Variants in RFTN1 observed in about 807,000 individuals in gnomAD.
RFTN1 encodes the protein raftlin, lipid raft linker 1.
A neutral mutation model predicts 46.5 loss-of-function variants in RFTN1; 26 were observed. That is an observed-to-expected ratio of 0.56 (90% CI 0.41 to 0.78). RFTN1 has a LOEUF of 0.78. Ranked by LOEUF, RFTN1 falls within the 30% of genes least tolerant of loss-of-function variation. The probability of loss-of-function intolerance (pLI) is 0.00; values close to 1 mark genes in which losing one functional copy is unlikely to be tolerated. For missense variants in RFTN1, 693 were observed against 718.7 expected, an observed-to-expected ratio of 0.96 and a Z score of 0.41; for synonymous variants, 261 against 284.2, an observed-to-expected ratio of 0.92 and a Z score of 0.82.
In RFTN1 at chr3:16,361,134, A is replaced by T. The variant is rs1559858897; in HGVS notation, c.1031-3087T>A. Among the ~76,000 whole-genome samples the T allele has an allele frequency of 6.6e-6, 1 of 152,236 alleles. No homozygotes were observed. The highest frequency in any genetic ancestry group is 1.5e-5 in the Non-Finnish European group (1 of 68,042). ...CTCTTGAAGGCCTAACTAGAATCAA[A>T]GAGTTTTTTAAAACTATGGGGAGAT... On this transcript the variant is annotated intron_variant, in intron 6 of 9. Transcript: ENST00000334133. The surrounding 1 kb of genome is among the most constrained non-coding windows in gnomAD (Gnocchi z 4.3).
In RFTN1 at chr3:16,377,917, A is replaced by ATCCCCAG; in HGVS notation, c.620_626dup (p.Val210TrpfsTer63). Reference sequence around the variant, plus strand: ...TTCTCCCAGCCGGAGCACTGCACACATCCCCAGTCCCCGGTTTCTCATTCT... The same window carrying ATCCCCAG: ...TTCTCCCAGCCGGAGCACTGCACACATCCCCAGTCCCCAGTCCCCGGTTTCTCATTCT... On this transcript the variant is annotated frameshift_variant, in exon 5 of 10. Coordinates refer to ENST00000334133, the MANE Select transcript of RFTN1 (RefSeq NM_015150.2). LOFTEE classifies it high-confidence loss of function. 2.5e-6 allele frequency: 4 copies of ATCCCCAG among 1,614,166 alleles called. No individual in the cohort carries two copies. The highest frequency in any genetic ancestry group is 3.4e-6 in the Non-Finnish European group (4 of 1,180,022).
rs775348055 is a variant in RFTN1, at chr3:16,326,816, G to T, written c.1207C>A (p.Gln403Lys). ...GGAGTTGGTAGCACACAGGTGAGCT[G>T]CCAGCCATAGGCCGCCAGCGAGTTC... ...LLNSLAAYGW[Q>K]LTCVLPTPVV... The change falls in exon 8 of 10, where the codon CAG (glutamine) becomes AAG (lysine). Residue 403 changes from glutamine to lysine, a missense_variant. Transcript: ENST00000334133. 2 of 1,614,018 alleles carry T rather than the reference G, an allele frequency of 1.2e-6. No individual in the cohort carries two copies. The highest frequency in any genetic ancestry group is 2.2e-5 in the South Asian group (2 of 91,082).
intron 2 of RFTN1, among the ~76,000 whole-genome samples, chr3:16,438,943 T>C (rs1036789632): frequency 5.9e-5 from 9 of 152,132 alleles, no homozygotes; most frequent in African/African-American, 2.2e-4. Context: ...AAAATGTTAG[T>C]CAATCAACCA....
chr3:16,378,521 C>T (rs2073871141), intron 4 of RFTN1, among the ~76,000 whole-genome samples: 2 of 152,158 alleles, frequency 1.3e-5, no homozygotes. Flanking sequence ...CATCAGGCTA[C>T]TGTATAACTA....
rs1396573344 is a variant in RFTN1, at chr3:16,468,586, G to A, written c.145+25139C>T. ...AGCCCAAATAGAGTGATGGAGTAGC[G>A]GGGAGAGGCTGACGCATTTCCTCAC... On this transcript the variant is annotated intron_variant, in intron 2 of 9. Transcript: ENST00000334133. This position sits in a 1 kb window ranked among gnomAD's most constrained non-coding sequence, Gnocchi z 4.4. 6.6e-6 allele frequency among the ~76,000 whole-genome samples: 1 copy of A among 151,308 alleles called. No homozygotes were observed. The highest frequency in any genetic ancestry group is 1.5e-5 in the Non-Finnish European group (1 of 67,930).
chr3:16,358,022 T>TC lies in RFTN1; in HGVS notation c.1055dup (p.Val353SerfsTer5), dbSNP rs1341732622. On this transcript the variant is annotated frameshift_variant, in exon 7 of 10. Transcript: ENST00000334133. LOFTEE classifies it high-confidence loss of function. ...TGGAAACAGCTTCAAAGATGAATAC[T>TC]CCATCTGTCAAGCCATGTAAGGAAT... The TC allele has an allele frequency of 6.9e-7, 1 of 1,453,824 alleles. No homozygotes were observed. Among genetic ancestry groups the TC allele is most frequent in the South Asian group, 1.1e-5 (1 of 88,492 alleles). The allele number at this position is 1,453,824 out of a possible 1,614,324, so 90.1% of individuals were successfully genotyped here.
At position 16,327,482 on chromosome 3, in the gene RFTN1, G is replaced by C. The variant is rs905197400; in HGVS notation, c.1147-606C>G. Among the ~76,000 whole-genome samples the C allele has an allele frequency of 1.3e-5, 2 of 151,918 alleles. No homozygotes were observed. Among genetic ancestry groups the C allele is most frequent in the Non-Finnish European group, 2.9e-5 (2 of 67,956 alleles). Reference sequence around the variant, plus strand: ...TCAGTTAAAAAACTCAGCCCCGGCCGGGTGCTGTGGCTCACGTCTGTAATC... The same window carrying C: ...TCAGTTAAAAAACTCAGCCCCGGCCCGGTGCTGTGGCTCACGTCTGTAATC... On this transcript the variant is annotated intron_variant, in intron 7 of 9. Transcript: ENST00000334133. The surrounding 1 kb of genome is among the most constrained non-coding windows in gnomAD (Gnocchi z 4.2).
Position 16,446,231 on chromosome 3 carries a change from C to A in RFTN1, c.146-12194G>T, listed in dbSNP as rs1034380682. 1.5e-4 allele frequency among the ~76,000 whole-genome samples: 22 copies of A among 151,652 alleles called. No individual in the cohort carries two copies. The highest frequency in any genetic ancestry group is 5.3e-4 in the African/African-American group (22 of 41,190). On this transcript the variant is annotated intron_variant, in intron 2 of 9. Coordinates refer to ENST00000334133, the MANE Select transcript of RFTN1 (RefSeq NM_015150.2). The surrounding 1 kb of genome is among the most constrained non-coding windows in gnomAD (Gnocchi z 4.5). ...TAGCCACAAGACCAAGATGAAAGAA[C>A]CATAATGAGTCCTGGAAAAGAGTCA...
chr3:16,316,656 C>T lies in RFTN1; in HGVS notation c.*172G>A. On this transcript the variant is annotated 3_prime_UTR_variant, in exon 10 of 10. Transcript: ENST00000334133. The surrounding 1 kb of genome is among the most constrained non-coding windows in gnomAD (Gnocchi z 4.5). ...TTTCCAGTGGATGTGCAAAAACCAACACTGTCAGGAACCTGGCCCTGGGAG... is the reference window on the plus strand; with the variant it reads ...TTTCCAGTGGATGTGCAAAAACCAATACTGTCAGGAACCTGGCCCTGGGAG... The T allele has an allele frequency of 2.7e-6, 2 of 729,778 alleles. No individual in the cohort carries two copies. The highest frequency in any genetic ancestry group is 1.8e-5 in the African/African-American group (1 of 56,836). 45.2% of individuals were successfully genotyped at this position (729,778 alleles called of 1,614,324 possible). A position where few individuals can be genotyped will look rare whatever the true frequency, so the allele number is the denominator to read the frequency against.
chr3:16,319,095 C>T (rs532397306), intron 9 of RFTN1, among the ~76,000 whole-genome samples: 2 of 152,280 alleles, frequency 1.3e-5, no homozygotes, highest in East Asian at 1.9e-4. Context: ...AGGCAGCTGC[C>T]GTTGCATTTT....
rs1200502379 is a variant in RFTN1, at chr3:16,475,681, C to A, written c.145+18044G>T. ...ATCAATGGAAAACTAAAGCAACTAA[C>A]AGACACACAGAGAGAATCACTGAGG... On this transcript the variant is annotated intron_variant, in intron 2 of 9. Transcript: ENST00000334133. The surrounding 1 kb of genome is among the most constrained non-coding windows in gnomAD (Gnocchi z 4.2). 6.6e-6 allele frequency among the ~76,000 whole-genome samples: 1 copy of A among 152,162 alleles called. No individual in the cohort carries two copies. Among genetic ancestry groups the A allele is most frequent in the Non-Finnish European group, 1.5e-5 (1 of 68,028 alleles).
intron 7 of RFTN1, chr3:16,347,996 C>T (rs1437976721): frequency 1.3e-5 from 2 of 152,168 alleles, no homozygotes; most frequent in African/African-American, 4.8e-5. Context: ...ATCCCGTGAC[C>T]AGCGGCTCAG....
In RFTN1 at chr3:16,376,058, G is replaced by A. The variant is rs2073757285; in HGVS notation, c.826+1660C>T. 6.6e-6 allele frequency among the ~76,000 whole-genome samples: 1 copy of A among 152,158 alleles called. No homozygotes were observed. The highest frequency in any genetic ancestry group is 2.4e-5 in the African/African-American group (1 of 41,426). On this transcript the variant is annotated intron_variant, in intron 5 of 9. Coordinates refer to ENST00000334133, the MANE Select transcript of RFTN1 (RefSeq NM_015150.2). This position sits in a 1 kb window ranked among gnomAD's most constrained non-coding sequence, Gnocchi z 4.7. The stretch of plus-strand genomic sequence containing the variant: ...AGTCTGGAAGGAGTATCGGAGGAAG[G>A]TGGGCTCTGGAACACAGGAAGCATC...
chr3:16,487,794 C>T (rs1017734376), intron 2 of RFTN1, among the ~76,000 whole-genome samples: 1 of 152,216 alleles, frequency 6.6e-6, no homozygotes, highest in East Asian at 1.9e-4. Context: ...GCTGGCAAAA[C>T]GCTCACATAA....
In RFTN1 at chr3:16,442,347, T is replaced by C. The variant is rs1010575584; in HGVS notation, c.146-8310A>G. Among the ~76,000 whole-genome samples, 5 of 151,936 alleles carry C rather than the reference T, an allele frequency of 3.3e-5. No homozygotes were observed. Among genetic ancestry groups the C allele is most frequent in the Non-Finnish European group, 7.4e-5 (5 of 67,992 alleles). Reference sequence around the variant, plus strand: ...CATTTTCATCACCCCCAAAGGAAACTCCATGTCCATTAAGCAGTTACTCTT... The same window carrying C: ...CATTTTCATCACCCCCAAAGGAAACCCCATGTCCATTAAGCAGTTACTCTT... On this transcript the variant is annotated intron_variant, in intron 2 of 9. Transcript: ENST00000334133. This position sits in a 1 kb window ranked among gnomAD's most constrained non-coding sequence, Gnocchi z 4.1.
Position 16,377,931 on chromosome 3 carries a change from GT to G in RFTN1, c.612del (p.Lys204AsnfsTer51). 6.2e-7 allele frequency: 1 copy of G among 1,614,194 alleles called. No individual in the cohort carries two copies. The highest frequency in any genetic ancestry group is 1.1e-5 in the South Asian group (1 of 91,084). On this transcript the variant is annotated frameshift_variant, in exon 5 of 10. Coordinates refer to ENST00000334133, the MANE Select transcript of RFTN1 (RefSeq NM_015150.2). LOFTEE classifies it high-confidence loss of function. ...RGDHASLENE[K>X]PGTGDVCSAP... ...GCACTGCACACATCCCCAGTCCCCG[GT>G]TTCTCATTCTCCAGTGACGCGTGAT...
At chr3:16,359,699 C>T (rs997591733) in intron 6 of RFTN1, among the ~76,000 whole-genome samples, 12 of 152,308 alleles carry the variant, frequency 7.9e-5, no homozygotes, top group East Asian at 3.9e-4. Flanking sequence ...GTTTAAGCCA[C>T]GCAGTGTGTG....
chr3:16,332,978 G>T (rs1186992272), intron 7 of RFTN1, among the ~76,000 whole-genome samples: 1 of 152,104 alleles, frequency 6.6e-6, no homozygotes, highest in Non-Finnish European at 1.5e-5. Context: ...GAAGCATCTG[G>T]TCGCAACAGT....
In RFTN1 at chr3:16,345,101, T is replaced by C. The variant is rs947876843; in HGVS notation, c.1146+12831A>G. On this transcript the variant is annotated intron_variant, in intron 7 of 9. Coordinates refer to ENST00000334133, the MANE Select transcript of RFTN1 (RefSeq NM_015150.2). The surrounding 1 kb of genome is among the most constrained non-coding windows in gnomAD (Gnocchi z 5.2). ...ACCTGCAACCACAAGGCCAACAACC[T>C]AAGTGAGCTTGGAAGTGGATTCTTC... 2 of 152,246 alleles carry C rather than the reference T, an allele frequency of 1.3e-5. No individual in the cohort carries two copies. Among genetic ancestry groups the C allele is most frequent in the African/African-American group, 4.8e-5 (2 of 41,446 alleles). 9.4% of individuals were successfully genotyped at this position (152,246 alleles called of 1,614,324 possible). A position where few individuals can be genotyped will look rare whatever the true frequency, so the allele number is the denominator to read the frequency against.
Sources: gnomAD v4.1 joint callset for allele counts (sites outside exome capture counted in the v4.1 genomes callset) on GRCh38, gnomAD v4.1.1 for gene constraint, Gnocchi (gnomAD v3.1) non-coding constraint, MANE v1.5 for transcripts, NCBI Gene and HGNC (gene_info 2026-07-23, HGNC 2026-07-21) for gene names.